LRCH1: variants seen among roughly 807,000 people sequenced by gnomAD.
LRCH1 encodes leucine rich repeats and calponin homology domain containing 1, also known as leucine-rich repeat and calponin homology domain-containing protein 1.
A neutral mutation model predicts 94.9 loss-of-function variants in LRCH1; 23 were observed. That is an observed-to-expected ratio of 0.24 (90% CI 0.17 to 0.34). The LOEUF (loss-of-function observed/expected upper bound fraction) is 0.34, where lower values mean the gene tolerates loss of function less well. Ranked by LOEUF, LRCH1 falls within the 10% of genes least tolerant of loss-of-function variation. The probability of loss-of-function intolerance (pLI) is 1.00; values close to 1 mark genes in which losing one functional copy is unlikely to be tolerated. For synonymous variants in LRCH1, 364 were observed against 354.9 expected (o/e 1.03, Z -0.29); for missense variants, 790 against 945.9 (o/e 0.84, Z 2.16).
chr13:46,647,826 A>G (rs1048326434), intron 1 of LRCH1, among the ~76,000 whole-genome samples: 1 of 139,222 alleles, frequency 7.2e-6, no homozygotes, highest in African/African-American at 2.7e-5. Flanking sequence ...GTAAATGGCT[A>G]TCTAGTTTTC....
intron 1 of LRCH1, among the ~76,000 whole-genome samples, chr13:46,610,043 G>A (rs1433460928): frequency 4.6e-5 from 7 of 152,114 alleles, no homozygotes; most frequent in East Asian, 1.9e-4. Context: ...TGTCATGGCC[G>A]GCAGTTGGGC....
At chr13:46,597,313 G>T (rs2050574954) in intron 1 of LRCH1, among the ~76,000 whole-genome samples, 1 of 151,538 alleles carries the variant, frequency 6.6e-6, no homozygotes, top group Non-Finnish European at 1.5e-5. Context: ...TGATTTCACT[G>T]TTTAAAATGG....
chr13:46,692,588 A>T lies in LRCH1; in HGVS notation c.1067A>T (p.Glu356Val). 1 of 1,614,106 alleles carries T rather than the reference A, an allele frequency of 6.2e-7. No homozygotes were observed. Among genetic ancestry groups the T allele is most frequent in the Non-Finnish European group, 8.5e-7 (1 of 1,179,972 alleles). ...SLNVPMSNIM[E>V]EEQIIKEDSC... ...AATGTGCCAATGTCAAACATCATGG[A>T]AGAAGAACAGATCATCAAGGAGGAC... is the stretch of plus-strand genomic sequence containing the variant. Residue 356 changes from glutamate (E) to valine (V), a missense_variant, in exon 8 of 20, where the codon GAA becomes GTA. By Grantham distance (121) the Glu-to-Val change is moderately radical. Coordinates refer to ENST00000389797, the MANE Select transcript of LRCH1 (RefSeq NM_001164211.2).
intron 2 of LRCH1, among the ~76,000 whole-genome samples, chr13:46,662,024 A>C (rs2138102879): frequency 6.6e-6 from 1 of 152,346 alleles, no homozygotes; most frequent in African/African-American, 2.4e-5. Context: ...CAGCCTGACC[A>C]ACATGGTAAA....
In LRCH1 at chr13:46,685,915, T is replaced by A. The variant is rs1242403590; in HGVS notation, c.696T>A (p.Asp232Glu). Residue 232 changes from aspartate (D) to glutamate (E), a missense_variant, in exon 5 of 20, where the codon GAT (aspartate) becomes GAA (glutamate). Coordinates refer to ENST00000389797, the MANE Select transcript of LRCH1 (RefSeq NM_001164211.2). Reference protein sequence around the residue: ...YLKVLPQELVDLSLVKFDFSC... With the variant: ...YLKVLPQELVELSLVKFDFSC... ...TTTCTATTATTTTAGAACTAGTAGA[T>A]CTTTCCTTGGTAAAGTTTGACTTTT... 2.5e-6 allele frequency: 4 copies of A among 1,593,902 alleles called. No individual in the cohort carries two copies. In the African/African-American group the frequency reaches 4.1e-5, roughly 16 times the overall value.
chr13:46,624,998 G>A (rs770699447), intron 1 of LRCH1, among the ~76,000 whole-genome samples: 1 of 152,164 alleles, frequency 6.6e-6, no homozygotes, highest in Non-Finnish European at 1.5e-5. Context: ...TGTTTACAGA[G>A]ACCCTTAACA....
At chr13:46,677,820 A>G (rs2051698263) in intron 3 of LRCH1, among the ~76,000 whole-genome samples, 1 of 152,208 alleles carries the variant, frequency 6.6e-6, no homozygotes, top group South Asian at 2.1e-4. Context: ...TATTTATATT[A>G]CTATAATTAG....
rs901159497 is a variant in LRCH1 at position 46,715,963 on chromosome 13, TG to T, written c.1759+303del. On this transcript the variant is annotated intron_variant, in intron 16 of 19. Transcript: ENST00000389797. ...GTTTGTTTGCTTGTTTACAAATATT[TG>T]GGGTTTGCACATTTGGATTTATCTC... Among the ~76,000 whole-genome samples, 7 of 152,126 alleles carry T rather than the reference TG, an allele frequency of 4.6e-5. No individual in the cohort carries two copies. In the South Asian group the frequency reaches 6.2e-4, roughly 14 times the overall value.
At chr13:46,583,764 ATTT>A (rs34881091) in intron 1 of LRCH1, among the ~76,000 whole-genome samples, 1 of 142,974 alleles carries the variant, frequency 7.0e-6, no homozygotes, top group Admixed American at 6.9e-5. Flanking sequence ...GAATTTTTCT[ATTT>A]TTTTTTTTTT....
At position 46,650,277 on chromosome 13, in the gene LRCH1, T is replaced by C. The variant is rs902816748; in HGVS notation, c.384T>C (p.Tyr128=). 3 of 1,612,720 alleles carry C rather than the reference T, an allele frequency of 1.9e-6. No individual in the cohort carries two copies. The highest frequency in any genetic ancestry group is 2.7e-5 in the African/African-American group (2 of 74,898). ...TATCACTGGAAATTCTTAATCTGTA[T>C]CACAACTGTATCAGAGTCATTCCTG... The part of the protein sequence containing the change: ...HFVSLEILNL[Y]HNCIRVIPEA... Residue 128 remains tyrosine (Y), a synonymous_variant, in exon 2 of 20, where the codon TAT becomes TAC. Transcript: ENST00000389797.
At chr13:46,679,404 T>C (rs2051720450) in intron 3 of LRCH1, among the ~76,000 whole-genome samples, 1 of 152,192 alleles carries the variant, frequency 6.6e-6, no homozygotes, top group Non-Finnish European at 1.5e-5. Flanking sequence ...GCCCCCGTAA[T>C]TGGGAAAAGA....
intron 1 of LRCH1, among the ~76,000 whole-genome samples, chr13:46,594,974 T>C (rs2050543065): frequency 6.6e-6 from 1 of 152,032 alleles, no homozygotes; most frequent in Admixed American, 6.5e-5. Flanking sequence ...ATCTAAAGAG[T>C]GTGGCAGCTA....
intron 1 of LRCH1, among the ~76,000 whole-genome samples, chr13:46,615,267 G>C (rs2050793598): frequency 6.6e-6 from 1 of 152,200 alleles, no homozygotes. Flanking sequence ...TTGTAATCAA[G>C]GCAGAAGGCT....
At chr13:46,746,665 G>A (rs969740058), downstream of LRCH1, among the ~76,000 whole-genome samples, 1 of 152,206 alleles carries the variant, frequency 6.6e-6, no homozygotes, top group African/African-American at 2.4e-5. Flanking sequence ...TCTGCTGTAA[G>A]TCCATTATGA....
chr13:46,661,259 CTTATAATGAATTATTTAA>C, intron 2 of LRCH1, among the ~76,000 whole-genome samples: 1 of 152,160 alleles, frequency 6.6e-6, no homozygotes, highest in East Asian at 1.9e-4. Context: ...AGCCAGGCAA[CTTATAATGAATTATTTAA>C]ATTCTCTGAA....
chr13:46,714,700 C>T lies in LRCH1; in HGVS notation c.1655-860C>T, dbSNP rs555956302. Among the ~76,000 whole-genome samples the T allele has an allele frequency of 1.6e-3, 251 of 152,140 alleles. 3 individuals are homozygous for T. The highest frequency in any genetic ancestry group is 0.014 in the Admixed American group (212 of 15,284). On this transcript the variant is annotated intron_variant, in intron 15 of 19. Transcript: ENST00000389797. The stretch of plus-strand genomic sequence containing the variant: ...CTAGAACTATATCCATTTATTTTAC[C>T]GGCCCTGCCTTATGATTGAATAAAA...
intron 11 of LRCH1, among the ~76,000 whole-genome samples, chr13:46,702,137 G>A (rs1323950403): frequency 6.6e-6 from 1 of 152,216 alleles, no homozygotes; most frequent in Non-Finnish European, 1.5e-5. Context: ...CTTGGGGGAT[G>A]TAAAGATGGA....
chr13:46,732,755 C>A (rs897216337), intron 18 of LRCH1, among the ~76,000 whole-genome samples: 1 of 152,192 alleles, frequency 6.6e-6, no homozygotes, highest in Admixed American at 6.5e-5. Context: ...CTGTTATCTT[C>A]AGTCATGTTC....
rs908926411 is a variant in LRCH1, at chr13:46,605,810, C to T, written c.308-44391C>T. On this transcript the variant is annotated intron_variant, in intron 1 of 19. Transcript: ENST00000389797. ...TCTTGGTTATGAGATAAAAACAAAC[C>T]TATAATTTGTGATAATGGGTGAAAA... Among the ~76,000 whole-genome samples the T allele has an allele frequency of 5.3e-5, 8 of 152,060 alleles. No individual in the cohort carries two copies. The East Asian group carries it at 1.3e-3, about 26-fold the overall frequency.
Sources: allele counts gnomAD v4.1 joint callset (sites outside exome capture counted in the v4.1 genomes callset), GRCh38; gene constraint gnomAD v4.1.1; transcripts MANE v1.5; gene names NCBI Gene and HGNC (gene_info 2026-07-23, HGNC 2026-07-21).